The following RNF212B variants were observed in gnomAD, a reference collection of about 807,000 sequenced individuals.
RNF212B encodes E3 ubiquitin-protein ligase RNF212B.
RNF212B carries 52 observed loss-of-function variants against 55.5 expected under a neutral mutation model. The ratio of observed to expected loss-of-function variants is 0.94; its 90% CI spans 0.75 to 1.18. The LOEUF (loss-of-function observed/expected upper bound fraction) is 1.18, where lower values mean the gene tolerates loss of function less well. Among genes scored for constraint, RNF212B ranks in the 50% most tolerant of loss-of-function variants. The pLI is 0.00. For missense variants in RNF212B, 289 were observed against 350.4 expected (o/e 0.82, Z 1.40); for synonymous variants, 99 against 121.4 (o/e 0.82, Z 1.21).
At chr14:23,256,346 G>A (rs907372398) in intron 4 of RNF212B, among the ~76,000 whole-genome samples, 4 of 151,202 alleles carry the variant, frequency 2.6e-5, no homozygotes, top group Non-Finnish European at 5.9e-5. Flanking sequence ...AGGATTCAGA[G>A]TGACTTTTAT....
chr14:23,197,507 C>T (rs1204273119), intron 2 of RNF212B, among the ~76,000 whole-genome samples: 1 of 152,094 alleles, frequency 6.6e-6, no homozygotes, highest in Admixed American at 6.6e-5. Flanking sequence ...AGCCTGGCAA[C>T]AGAGCGAGAC....
At chr14:23,233,871 C>A (rs534986840), upstream of RNF212B, among the ~76,000 whole-genome samples, 3 of 151,330 alleles carry the variant, frequency 2.0e-5, no homozygotes, top group African/African-American at 4.9e-5. Context: ...CCAAGGTGGG[C>A]GGATCACCTG....
chr14:23,242,851 C>A (rs1353458141), intron 2 of RNF212B, among the ~76,000 whole-genome samples: 2 of 151,706 alleles, frequency 1.3e-5, no homozygotes, highest in African/African-American at 2.4e-5. Flanking sequence ...TGGTGGTGTG[C>A]GCCTGTGGTC....
At chr14:23,253,287 G>C (rs1884551489) in intron 4 of RNF212B, among the ~76,000 whole-genome samples, 1 of 152,032 alleles carries the variant, frequency 6.6e-6, no homozygotes, top group Non-Finnish European at 1.5e-5. Flanking sequence ...ATTTTGAATT[G>C]AGTTTCAATA....
intron 13 of RNF212B, among the ~76,000 whole-genome samples, chr14:23,270,221 C>T (rs1242797746): frequency 1.3e-5 from 2 of 152,188 alleles, no homozygotes; most frequent in Non-Finnish European, 2.9e-5. Context: ...ATTAAACTGG[C>T]TTCTCAAAAG....
At chr14:23,187,031 GC>G (rs575822005) in intron 1 of RNF212B, among the ~76,000 whole-genome samples, 5 of 152,074 alleles carry the variant, frequency 3.3e-5, no homozygotes, top group African/African-American at 1.2e-4. Context: ...CTTCACCTGG[GC>G]CCCCCCAACA....
At chr14:23,270,682 C>G (rs1027674271) in intron 14 of RNF212B, 21 bp downstream of exon 14, 2 of 1,508,474 alleles carry the variant, frequency 1.3e-6, no homozygotes, top group African/African-American at 2.8e-5. Context: ...GCTAGTCTAA[C>G]TTGTCTGTGC....
chr14:23,233,802 T>C (rs7151923), upstream of RNF212B, among the ~76,000 whole-genome samples: 12,856 of 143,494 alleles, frequency 0.09, 1,218 homozygotes, highest in African/African-American at 0.24. Flanking sequence ...AACAACCCAA[T>C]TAAAAATGGG....
At chr14:23,221,955 C>T (rs1350491231) in intron 2 of RNF212B, among the ~76,000 whole-genome samples, 1 of 152,010 alleles carries the variant, frequency 6.6e-6, no homozygotes, top group African/African-American at 2.4e-5. Context: ...AATGGAAACA[C>T]AACATACCAA....
chr14:23,254,410 A>C (rs190809055), intron 4 of RNF212B, among the ~76,000 whole-genome samples: 1 of 152,318 alleles, frequency 6.6e-6, no homozygotes, highest in African/African-American at 2.4e-5. Context: ...ACATGAGGCC[A>C]GAAATTTGAG....
At chr14:23,253,332 A>C (rs563338117) in intron 4 of RNF212B, among the ~76,000 whole-genome samples, 1 of 152,148 alleles carries the variant, frequency 6.6e-6, no homozygotes, top group African/African-American at 2.4e-5. Flanking sequence ...TATGTCTCTT[A>C]AGTTTCTTTT....
At chr14:23,203,406 A>G (rs1374570828) in intron 2 of RNF212B, among the ~76,000 whole-genome samples, 10 of 148,944 alleles carry the variant, frequency 6.7e-5, no homozygotes, top group African/African-American at 2.5e-4. Flanking sequence ...TTTTTTGTAT[A>G]ATGACTTCTT....
chr14:23,269,733 TATC>T, intron 12 of RNF212B, 127 bp from the exon 13 acceptor site: 1 of 600,028 alleles, frequency 1.7e-6, no homozygotes, highest in Non-Finnish European at 2.9e-6. Context: ...AAGAAAAAAT[TATC>T]ATCAGTTGCA....
intron 1 of RNF212B, among the ~76,000 whole-genome samples, chr14:23,189,552 C>T (rs1391001474): frequency 6.6e-6 from 1 of 152,104 alleles, no homozygotes; most frequent in Non-Finnish European, 1.5e-5. Context: ...TCTATAATCC[C>T]ATCACTTTGG....
At chr14:23,252,754 A>T (rs952279828) in intron 4 of RNF212B, among the ~76,000 whole-genome samples, 4 of 152,178 alleles carry the variant, frequency 2.6e-5, no homozygotes. Flanking sequence ...CTTTAGACTC[A>T]CTGTTCCACT....
rs1445325465 is a variant in RNF212B at position 23,264,664 on chromosome 14, T to G, written c.627T>G (p.Ser209=). The change falls in exon 11 of 15, where the codon TCT becomes TCG. Residue 209 remains serine, a synonymous_variant. Coordinates refer to ENST00000430154, the MANE Select transcript of RNF212B (RefSeq NM_001282322.3). ...GLQGRRTPRD[S]YNETPSPAST... is the part of the protein sequence containing the mutation. ...AGGGAAGGAGAACTCCCAGAGACTCTTATAATGGTGAGGTGGGGGGAAAAG... is the reference window on the plus strand; with the variant it reads ...AGGGAAGGAGAACTCCCAGAGACTCGTATAATGGTGAGGTGGGGGGAAAAG... 7.6e-7 allele frequency: 1 copy of G among 1,318,028 alleles called. No individual in the cohort carries two copies. The highest frequency in any genetic ancestry group is 9.8e-7 in the Non-Finnish European group (1 of 1,025,524). The allele number at this position is 1,318,028 out of a possible 1,614,324, so 81.6% of individuals were successfully genotyped here.
chr14:23,236,590 GTTTA>G (rs1309661897), upstream of RNF212B, among the ~76,000 whole-genome samples: 2 of 151,924 alleles, frequency 1.3e-5, no homozygotes, highest in African/African-American at 4.8e-5. Context: ...ATTTAATGGG[GTTTA>G]TTATTGTTTT....
intron 2 of RNF212B, among the ~76,000 whole-genome samples, chr14:23,204,464 G>A (rs947255114): frequency 5.3e-5 from 8 of 151,960 alleles, no homozygotes; most frequent in East Asian, 1.9e-4. Flanking sequence ...TTATCCCAGC[G>A]CCATTTATTA....
In RNF212B at chr14:23,269,954, A is replaced by G; in HGVS notation, c.766A>G (p.Asn256Asp). 2 of 1,525,888 alleles carry G rather than the reference A, an allele frequency of 1.3e-6. No individual in the cohort carries two copies. The highest frequency in any genetic ancestry group is 1.8e-6 in the Non-Finnish European group (2 of 1,124,626). 94.5% of individuals were successfully genotyped at this position (1,525,888 alleles called of 1,614,324 possible). A position where few individuals can be genotyped will look rare whatever the true frequency, so the allele number is the denominator to read the frequency against. The change falls in exon 13 of 15, where the codon AAT becomes GAT. Residue 256 changes from asparagine (N) to aspartate (D), a missense_variant. Coordinates refer to ENST00000430154, the MANE Select transcript of RNF212B (RefSeq NM_001282322.3). ...CCACACAAGAGTCCTCACCCCCAAC[A>G]ATTTTGGTAAGTTAAATAACATTTC... Reference protein sequence around the residue: ...SGHTRVLTPNNFAQRESTTTL... With the variant: ...SGHTRVLTPNDFAQRESTTTL...
Sources: gnomAD v4.1 joint callset for allele counts (sites outside exome capture counted in the v4.1 genomes callset) on GRCh38, gnomAD v4.1.1 for gene constraint, MANE v1.5 for transcripts, NCBI Gene and HGNC (gene_info 2026-07-23, HGNC 2026-07-21) for gene names.